The following ARHGAP10 variants were observed in gnomAD, a reference collection of about 807,000 sequenced individuals.
The protein encoded by ARHGAP10 is Rho GTPase activating protein 10.
A neutral mutation model predicts 108.6 loss-of-function variants in ARHGAP10; 87 were observed. The ratio of observed to expected loss-of-function variants is 0.80; its 90% CI spans 0.67 to 0.96. The LOEUF is 0.96. Ranked by LOEUF, ARHGAP10 falls within the 40% of genes least tolerant of loss-of-function variation. The pLI is 0.00. For missense variants in ARHGAP10, 939 were observed against 954.5 expected (o/e 0.98, Z 0.21); for synonymous variants, 347 against 341.1 (o/e 1.02, Z -0.19).
At chr4:147,957,238 G>T in intron 16 of ARHGAP10, among the ~76,000 whole-genome samples, 1 of 152,142 alleles carries the variant, frequency 6.6e-6, no homozygotes, top group East Asian at 1.9e-4. Flanking sequence ...TTGATTTAAT[G>T]AGAAAAAGTA....
At chr4:147,804,256 T>G (rs1731692605) in intron 1 of ARHGAP10, among the ~76,000 whole-genome samples, 1 of 152,138 alleles carries the variant, frequency 6.6e-6, no homozygotes, top group Admixed American at 6.5e-5. Flanking sequence ...CATGCTATAT[T>G]TGGTTTTATG....
chr4:147,946,486 A>ATG, intron 14 of ARHGAP10, 131 bp from the exon 15 acceptor site: 1 of 643,284 alleles, frequency 1.6e-6, no homozygotes, highest in South Asian at 2.3e-5. Flanking sequence ...GAAATCATAT[A>ATG]TATAATGTTT....
At chr4:147,809,479 C>T (rs1050234787) in intron 1 of ARHGAP10, among the ~76,000 whole-genome samples, 2 of 152,160 alleles carry the variant, frequency 1.3e-5, no homozygotes, top group Non-Finnish European at 2.9e-5. Context: ...TATTTTCCTT[C>T]ACTGCAATTC....
chr4:147,733,669 T>C (rs1036129622), intron 1 of ARHGAP10, among the ~76,000 whole-genome samples: 1 of 152,216 alleles, frequency 6.6e-6, no homozygotes, highest in African/African-American at 2.4e-5. Flanking sequence ...TTGATTATAC[T>C]GTCTCGGGCA....
chr4:147,918,284 C>T (rs567056609), intron 13 of ARHGAP10, among the ~76,000 whole-genome samples: 6 of 151,708 alleles, frequency 4.0e-5, no homozygotes, highest in Admixed American at 1.3e-4. Flanking sequence ...TACAGGTGCC[C>T]GCCACGAAGC....
chr4:147,739,402 T>C (rs1034578185), intron 1 of ARHGAP10, among the ~76,000 whole-genome samples: 2 of 151,992 alleles, frequency 1.3e-5, no homozygotes, highest in African/African-American at 4.8e-5. Context: ...TAAGGAAGAG[T>C]TGATGACAGA....
intron 18 of ARHGAP10, among the ~76,000 whole-genome samples, chr4:147,993,729 A>G (rs1740364205): frequency 6.6e-6 from 1 of 152,236 alleles, no homozygotes; most frequent in Non-Finnish European, 1.5e-5. Context: ...GTGAGTCAAC[A>G]TAGTTGTGTC....
chr4:147,844,494 A>G (rs1370552573), intron 3 of ARHGAP10, among the ~76,000 whole-genome samples: 2 of 152,068 alleles, frequency 1.3e-5, no homozygotes, highest in African/African-American at 4.8e-5. Context: ...TATACTTCCC[A>G]GCTTCTGGTA....
chr4:148,018,266 A>G (rs1560877228), intron 18 of ARHGAP10, among the ~76,000 whole-genome samples: 1 of 152,210 alleles, frequency 6.6e-6, no homozygotes, highest in South Asian at 2.1e-4. Context: ...GTTTGATGCC[A>G]GGAAAGTTGG....
intron 3 of ARHGAP10, among the ~76,000 whole-genome samples, chr4:147,839,816 C>A (rs1468751770): frequency 6.6e-6 from 1 of 152,162 alleles, no homozygotes; most frequent in African/African-American, 2.4e-5. Flanking sequence ...ACTTTCCTTT[C>A]CTTTTTAGAC....
intron 3 of ARHGAP10, among the ~76,000 whole-genome samples, chr4:147,830,273 GCATACCA>G (rs1732896801): frequency 6.6e-6 from 1 of 152,126 alleles, no homozygotes; most frequent in African/African-American, 2.4e-5. Flanking sequence ...CTAAGCTGCT[GCATACCA>G]AAGGCTTTTG....
At chr4:147,838,829 C>T (rs1024981035) in intron 3 of ARHGAP10, among the ~76,000 whole-genome samples, 2 of 152,174 alleles carry the variant, frequency 1.3e-5, no homozygotes, top group African/African-American at 4.8e-5. Context: ...ATTTTGAAGT[C>T]ATCTCTGGAA....
intron 1 of ARHGAP10, among the ~76,000 whole-genome samples, chr4:147,807,341 TA>T (rs1731828037): frequency 6.6e-6 from 1 of 152,116 alleles, no homozygotes; most frequent in African/African-American, 2.4e-5. Flanking sequence ...AGAAAAAATA[TA>T]GGTGATTGTA....
chr4:148,058,298 A>G (rs1303960922), intron 20 of ARHGAP10, among the ~76,000 whole-genome samples: 2 of 152,070 alleles, frequency 1.3e-5, no homozygotes, highest in Admixed American at 6.6e-5. Flanking sequence ...TTGCAGTGCA[A>G]ACTTCTGATT....
rs566774571 is a variant in ARHGAP10 at position 148,064,586 on chromosome 4, G to A, written c.2272+79G>A. 24 of 1,313,282 alleles carry A rather than the reference G, an allele frequency of 1.8e-5. No homozygotes were observed. In the Middle Eastern group the frequency reaches 1.7e-3, roughly 91 times the overall value. 81.4% of individuals were successfully genotyped at this position (1,313,282 alleles called of 1,614,324 possible). A position where few individuals can be genotyped will look rare whatever the true frequency, so the allele number is the denominator to read the frequency against. On this transcript the variant is annotated intron_variant, in intron 22 of 22. Coordinates refer to ENST00000336498, the MANE Select transcript of ARHGAP10 (RefSeq NM_024605.4). ...CTGCAGCATGGAGTGAGCAGTCAGCGATGGTGCTGTTGTCGGGAGGGCGAG... is the reference window on the plus strand; with the variant it reads ...CTGCAGCATGGAGTGAGCAGTCAGCAATGGTGCTGTTGTCGGGAGGGCGAG...
intron 18 of ARHGAP10, among the ~76,000 whole-genome samples, chr4:147,996,868 G>T (rs1030161319): frequency 2.0e-5 from 3 of 152,192 alleles, no homozygotes; most frequent in African/African-American, 7.2e-5. Flanking sequence ...TGAGGGAACA[G>T]GGAGAAGCAG....
In ARHGAP10 at chr4:147,758,421, G is replaced by A. The variant is rs2126701808; in HGVS notation, c.154+25966G>A. On this transcript the variant is annotated intron_variant, in intron 1 of 22. Transcript: ENST00000336498. ...AAATGTATAATCAATGGCTTTTAGTGTAGTCACAGATTAGTGCAGCCATCA... is the reference window on the plus strand; with the variant it reads ...AAATGTATAATCAATGGCTTTTAGTATAGTCACAGATTAGTGCAGCCATCA... Among the ~76,000 whole-genome samples, 3 of 152,242 alleles carry A rather than the reference G, an allele frequency of 2.0e-5. No individual in the cohort carries two copies. In the South Asian group the frequency reaches 6.2e-4, roughly 32 times the overall value.
intron 13 of ARHGAP10, among the ~76,000 whole-genome samples, chr4:147,937,068 C>T (rs1221694549): frequency 2.0e-5 from 3 of 152,068 alleles, no homozygotes; most frequent in Admixed American, 6.5e-5. Context: ...CTGAAACCAT[C>T]CCCCCCACCC....
intron 15 of ARHGAP10, among the ~76,000 whole-genome samples, chr4:147,948,534 A>C (rs912922016): frequency 6.6e-6 from 1 of 152,164 alleles, no homozygotes; most frequent in Non-Finnish European, 1.5e-5. Flanking sequence ...TTTGTTGATG[A>C]ACCTGGGTCA....
Sources: gnomAD v4.1 joint callset for allele counts (sites outside exome capture counted in the v4.1 genomes callset) on GRCh38, gnomAD v4.1.1 for gene constraint, MANE v1.5 for transcripts, NCBI Gene and HGNC (gene_info 2026-07-23, HGNC 2026-07-21) for gene names.